The following C12orf42 variants were observed in gnomAD, a reference collection of about 807,000 sequenced individuals.
C12orf42 encodes the protein chromosome 12 open reading frame 42.
Under a neutral mutation model 21.6 loss-of-function variants are expected in C12orf42, and 25 were observed. The observed-to-expected ratio is 1.16, with a 90% CI of 0.84 to 1.62. The LOEUF (loss-of-function observed/expected upper bound fraction) is 1.62, where lower values mean the gene tolerates loss of function less well. Ranked by LOEUF, C12orf42 falls within the 40% of genes most tolerant of loss-of-function variation. C12orf42 has a pLI of 0.00. For synonymous variants in C12orf42, 174 were observed against 175.0 expected (o/e 0.99, Z 0.05); for missense variants, 483 against 459.3 (o/e 1.05, Z -0.47).
At chr12:103,077,267 T>G in the C12orf42 span, among the ~76,000 whole-genome samples, 1 of 152,120 alleles carries the variant, frequency 6.6e-6, no homozygotes, top group African/African-American at 2.4e-5. Context: ...AAACATCCAT[T>G]AAGCAATATA....
At chr12:103,506,880 T>A in the C12orf42 span, among the ~76,000 whole-genome samples, 2 of 57,402 alleles carry the variant, frequency 3.5e-5, no homozygotes, top group African/African-American at 7.2e-5. Flanking sequence ...ATTTATATAT[T>A]ATATATTAAA....
At chr12:103,173,401 C>G in the C12orf42 span, among the ~76,000 whole-genome samples, 2 of 152,080 alleles carry the variant, frequency 1.3e-5, no homozygotes, top group Admixed American at 6.6e-5. Context: ...TTGATGGACA[C>G]TTTCATGTCT....
chr12:103,058,866 T>C, the C12orf42 span, among the ~76,000 whole-genome samples: 29 of 152,102 alleles, frequency 1.9e-4, no homozygotes, highest in Middle Eastern at 3.2e-3. Flanking sequence ...TAAGTTCCCA[T>C]ATCAGAAAGT....
chr12:103,309,951 G>A (rs2038799455), intron 4 of C12orf42, among the ~76,000 whole-genome samples: 1 of 152,330 alleles, frequency 6.6e-6, no homozygotes, highest in South Asian at 2.1e-4. Flanking sequence ...ATACCCTGGG[G>A]TGATATGTCC....
the C12orf42 span, among the ~76,000 whole-genome samples, chr12:103,510,409 A>G: frequency 1.3e-5 from 2 of 152,178 alleles, no homozygotes; most frequent in Non-Finnish European, 2.9e-5. Context: ...GGTTCAGTGT[A>G]TACTGCTTGG....
At chr12:103,499,859 G>A (rs1477477073), upstream of C12orf42, among the ~76,000 whole-genome samples, 3 of 152,158 alleles carry the variant, frequency 2.0e-5, no homozygotes, top group Non-Finnish European at 4.4e-5. Context: ...AGAAGGAAAG[G>A]AGAAGTCAGG....
chr12:103,140,357 T>C, the C12orf42 span, among the ~76,000 whole-genome samples: 13 of 152,346 alleles, frequency 8.5e-5, no homozygotes, highest in African/African-American at 2.9e-4. Context: ...GGAATCCTCC[T>C]CAGCAGAATG....
intron 2 of C12orf42, among the ~76,000 whole-genome samples, chr12:103,445,724 T>G (rs995139659): frequency 4.6e-5 from 7 of 152,106 alleles, no homozygotes; most frequent in Non-Finnish European, 8.8e-5. Flanking sequence ...TTCCTTATGA[T>G]GCTTAAACGA....
chr12:103,165,031 C>A, the C12orf42 span, among the ~76,000 whole-genome samples: 19 of 152,206 alleles, frequency 1.2e-4, no homozygotes, highest in Admixed American at 1.2e-3. Context: ...GAGTGGCTAA[C>A]TGGGCCTAAA....
At chr12:103,415,328 G>C (rs540209022) in intron 2 of C12orf42, among the ~76,000 whole-genome samples, 13 of 151,986 alleles carry the variant, frequency 8.6e-5, no homozygotes, top group African/African-American at 2.9e-4. Flanking sequence ...AATACTACTG[G>C]GAGACTTCAA....
the C12orf42 span, among the ~76,000 whole-genome samples, chr12:103,177,844 C>CGT: frequency 6.3e-3 from 884 of 140,256 alleles, 10 homozygotes; most frequent in African/African-American, 0.021. Flanking sequence ...GTTTAATGGC[C>CGT]GTGTGTGTGT....
At chr12:103,294,502 A>T (rs551202194) in intron 4 of C12orf42, among the ~76,000 whole-genome samples, 1 of 150,058 alleles carries the variant, frequency 6.7e-6, no homozygotes, top group South Asian at 2.1e-4. Context: ...AGAAAGAAAG[A>T]AAGAAAAAGA....
At chr12:103,533,987 G>A in the C12orf42 span, among the ~76,000 whole-genome samples, 1 of 152,160 alleles carries the variant, frequency 6.6e-6, no homozygotes, top group African/African-American at 2.4e-5. Context: ...CCTGCTTCAT[G>A]TGGTCATTGT....
intron 2 of C12orf42, chr12:103,441,515 A>G (rs1347491661): frequency 6.6e-6 from 1 of 152,104 alleles, no homozygotes; most frequent in Non-Finnish European, 1.5e-5. Flanking sequence ...CTGAACTCGG[A>G]TATCTCTGTG....
At chr12:103,195,474 A>G in the C12orf42 span, among the ~76,000 whole-genome samples, 3 of 152,246 alleles carry the variant, frequency 2.0e-5, no homozygotes, top group Non-Finnish European at 4.4e-5. Flanking sequence ...TTGACATTTA[A>G]TAATGGCCAT....
At chr12:103,555,585 G>A in the C12orf42 span, among the ~76,000 whole-genome samples, 1 of 152,126 alleles carries the variant, frequency 6.6e-6, no homozygotes, top group Non-Finnish European at 1.5e-5. Context: ...CACACTTTGA[G>A]TAGCTCTGAT....
chr12:103,279,747 C>T (rs2035991415), intron 4 of C12orf42, among the ~76,000 whole-genome samples: 1 of 152,184 alleles, frequency 6.6e-6, no homozygotes, highest in Admixed American at 6.5e-5. Context: ...GCTGATGCCT[C>T]TTATGGGTTT....
the C12orf42 span, among the ~76,000 whole-genome samples, chr12:103,200,118 T>C: frequency 6.6e-6 from 1 of 151,888 alleles, no homozygotes; most frequent in Non-Finnish European, 1.5e-5. Flanking sequence ...AAAAATACGG[T>C]ATACACATAT....
chr12:103,470,354 C>T (rs1439916676), intron 2 of C12orf42, among the ~76,000 whole-genome samples: 4 of 152,272 alleles, frequency 2.6e-5, no homozygotes, highest in South Asian at 2.1e-4. Context: ...CACTAGGAAG[C>T]TCAGTCCATT....
Sources: allele counts gnomAD v4.1 joint callset (sites outside exome capture counted in the v4.1 genomes callset), GRCh38; gene constraint gnomAD v4.1.1; transcripts MANE v1.5; gene names NCBI Gene and HGNC (gene_info 2026-07-23, HGNC 2026-07-21).